GABRB1: variants seen among roughly 807,000 people sequenced by gnomAD.
The protein encoded by GABRB1 is gamma-aminobutyric acid receptor subunit beta-1.
GABRB1 carries 17 observed loss-of-function variants against 51.6 expected under a neutral mutation model. The ratio of observed to expected loss-of-function variants is 0.33; its 90% confidence interval spans 0.23 to 0.49. The LOEUF is 0.49. Ranked by LOEUF, GABRB1 falls within the 20% of genes least tolerant of loss-of-function variation. GABRB1 has a pLI of 0.99. For missense variants in GABRB1, 410 were observed against 600.6 expected (o/e 0.68, Z 3.32); for synonymous variants, 247 against 218.9 (o/e 1.13, Z -1.14).
chr4:47,340,122 G>A (rs919487296), intron 5 of GABRB1, among the ~76,000 whole-genome samples: 5 of 152,082 alleles, frequency 3.3e-5, no homozygotes, highest in African/African-American at 1.2e-4. Context: ...TTTAATATAG[G>A]GAACTAAGAG....
At chr4:47,088,955 G>T (rs1728185100) in intron 3 of GABRB1, among the ~76,000 whole-genome samples, 1 of 152,152 alleles carries the variant, frequency 6.6e-6, no homozygotes, top group Admixed American at 6.5e-5. Flanking sequence ...TTTGTCTTGT[G>T]TGCAAATCAG....
intron 4 of GABRB1, among the ~76,000 whole-genome samples, chr4:47,191,309 G>A (rs1040191596): frequency 2.6e-5 from 4 of 152,004 alleles, no homozygotes; most frequent in African/African-American, 9.7e-5. Flanking sequence ...AAAATCACAT[G>A]GCAGTTTATT....
intron 3 of GABRB1, among the ~76,000 whole-genome samples, chr4:47,053,024 G>A (rs2109511426): frequency 6.6e-6 from 1 of 152,252 alleles, no homozygotes; most frequent in Middle Eastern, 3.4e-3. Context: ...GTGATTCTTG[G>A]GATGTTTATT....
intron 4 of GABRB1, among the ~76,000 whole-genome samples, chr4:47,165,621 C>T (rs1718150356): frequency 6.6e-6 from 1 of 152,094 alleles, no homozygotes; most frequent in South Asian, 2.1e-4. Context: ...TTTGTTATTT[C>T]ATTATTGACT....
At chr4:47,298,067 A>G (rs931953543) in intron 4 of GABRB1, among the ~76,000 whole-genome samples, 1 of 152,212 alleles carries the variant, frequency 6.6e-6, no homozygotes, top group Admixed American at 6.5e-5. Flanking sequence ...CTCTCAAGAA[A>G]TTAGGTATTG....
intron 4 of GABRB1, among the ~76,000 whole-genome samples, chr4:47,204,582 C>G (rs1182759885): frequency 6.6e-6 from 1 of 152,102 alleles, no homozygotes; most frequent in African/African-American, 2.4e-5. Context: ...TTCCCACAAT[C>G]CCCACGTGTC....
intron 4 of GABRB1, among the ~76,000 whole-genome samples, chr4:47,211,411 TACTC>T (rs1230177968): frequency 1.2e-4 from 18 of 152,180 alleles, no homozygotes; most frequent in East Asian, 1.9e-4. Flanking sequence ...TTAGTTATAA[TACTC>T]ACTTTAAAAA....
intron 5 of GABRB1, among the ~76,000 whole-genome samples, chr4:47,352,464 A>G (rs1156801848): frequency 6.6e-6 from 1 of 152,188 alleles, no homozygotes; most frequent in Non-Finnish European, 1.5e-5. Flanking sequence ...ACACAACCAA[A>G]AAAGAGAATT....
chr4:47,371,091 A>ACCCCCCCCCCCCCCCG (rs1560355841), intron 5 of GABRB1, among the ~76,000 whole-genome samples: 1 of 121,730 alleles, frequency 8.2e-6, no homozygotes, highest in Non-Finnish European at 1.7e-5. Context: ...TCCCTCCCCC[A>ACCCCCCCCCCCCCCCG]CCCCCACCCT....
chr4:46,994,452 G>GA (rs1409200333), intron 1 of GABRB1: 2 of 149,372 alleles, frequency 1.3e-5, no homozygotes, highest in South Asian at 2.2e-4. Context: ...AGTGGGGGGG[G>GA]AAAGAGAAAA....
intron 4 of GABRB1, among the ~76,000 whole-genome samples, chr4:47,251,024 GT>G (rs1212108656): frequency 4.6e-5 from 7 of 152,040 alleles, no homozygotes; most frequent in Non-Finnish European, 8.8e-5. Context: ...AAAGAGTTTT[GT>G]TTTGTCATAT....
intron 5 of GABRB1, among the ~76,000 whole-genome samples, chr4:47,358,347 TTATATATGTGTGTGTGTA>T (rs574104118): frequency 0.011 from 1,739 of 151,712 alleles, 30 homozygotes; most frequent in African/African-American, 0.039. Flanking sequence ...TATATGCATA[TTATATATGTGTGTGTGTA>T]TATATATGTG....
intron 7 of GABRB1, among the ~76,000 whole-genome samples, chr4:47,405,765 C>A (rs1728547526): frequency 6.6e-6 from 1 of 152,120 alleles, no homozygotes; most frequent in South Asian, 2.1e-4. Context: ...GAACAAATAT[C>A]TACACTAGAT....
intron 3 of GABRB1, among the ~76,000 whole-genome samples, chr4:47,142,446 T>C (rs552154372): frequency 6.6e-6 from 1 of 152,034 alleles, no homozygotes; most frequent in South Asian, 2.1e-4. Context: ...GGCATATAAA[T>C]AGATCATAAA....
intron 8 of GABRB1, among the ~76,000 whole-genome samples, chr4:47,416,238 G>A (rs1186210042): frequency 1.3e-5 from 2 of 152,154 alleles, no homozygotes; most frequent in Admixed American, 6.5e-5. Context: ...AGACTTAGGA[G>A]CATCAAGAGA....
chr4:47,007,843 A>T (rs1189921863), intron 1 of GABRB1, among the ~76,000 whole-genome samples: 3 of 122,564 alleles, frequency 2.4e-5, no homozygotes, highest in Non-Finnish European at 5.3e-5. Context: ...AAGTACCATT[A>T]AAGGACGTAT....
chr4:47,236,519 A>G (rs759272965), intron 4 of GABRB1, among the ~76,000 whole-genome samples: 4 of 152,204 alleles, frequency 2.6e-5, no homozygotes, highest in Non-Finnish European at 5.9e-5. Context: ...AGAAAGTATT[A>G]TCCCTGCTTT....
intron 3 of GABRB1, among the ~76,000 whole-genome samples, chr4:47,154,469 A>T (rs6854338): frequency 0.86 from 130,778 of 152,030 alleles, 56,273 homozygotes; most frequent in African/African-American, 0.9. Flanking sequence ...AAAGTCGTTT[A>T]ACATCTCTAG....
At chr4:47,350,218 T>TATATATATATAGAGAG (rs750199965) in intron 5 of GABRB1, among the ~76,000 whole-genome samples, 3 of 56,654 alleles carry the variant, frequency 5.3e-5, no homozygotes, top group Admixed American at 2.2e-4. Context: ...TATATATATA[T>TATATATATATAGAGAG]AGAGAGAGAG....
Sources: allele counts gnomAD v4.1 joint callset (sites outside exome capture counted in the v4.1 genomes callset), GRCh38; gene constraint gnomAD v4.1.1; transcripts MANE v1.5; gene names NCBI Gene and HGNC (gene_info 2026-07-23, HGNC 2026-07-21).